KMO: variants seen among roughly 807,000 people sequenced by gnomAD.
The protein encoded by KMO is kynurenine 3-monooxygenase.
KMO carries 24 observed loss-of-function variants against 57.8 expected under a neutral mutation model. The observed-to-expected ratio is 0.42, with a 90% CI of 0.30 to 0.58. The LOEUF is 0.58. KMO is among the 20% of genes least tolerant of loss of function. The pLI is 0.22. For missense variants in KMO, 483 were observed against 588.2 expected (o/e 0.82, Z 1.85); for synonymous variants, 210 against 193.6 (o/e 1.08, Z -0.70).
In KMO at chr1:241,560,342, G is replaced by A. The variant is rs78302715; in HGVS notation, c.362-323G>A. Among the ~76,000 whole-genome samples the A allele has an allele frequency of 6.9e-3, 1,045 of 152,274 alleles. 15 individuals carry two copies. The highest frequency in any genetic ancestry group is 0.024 in the African/African-American group (980 of 41,548). On this transcript the variant is annotated intron_variant, in intron 5 of 14. Coordinates refer to ENST00000366559, the MANE Select transcript of KMO (RefSeq NM_003679.5). ...CACAACAAAGCCTCGGATTAGAGGC[G>A]ACTTCTGAAATATGTGATGCTTGCT... is the stretch of plus-strand genomic sequence containing the variant.
In KMO at chr1:241,594,363, T is replaced by C; in HGVS notation, c.*2210T>C. 4 of 1,539,094 alleles carry C rather than the reference T, an allele frequency of 2.6e-6. No homozygotes were observed. Among genetic ancestry groups the C allele is most frequent in the Admixed American group, 1.8e-5 (1 of 56,806 alleles). On this transcript the variant is annotated 3_prime_UTR_variant, in exon 15 of 15. Coordinates refer to ENST00000366559, the MANE Select transcript of KMO (RefSeq NM_003679.5). ...ATAGAACGGGTATTCCAGACACTTC[T>C]TATGATGAAAGTCCAAAAGTGGCAT...
At chr1:241,588,103 C>A (rs2065031) in intron 11 of KMO, among the ~76,000 whole-genome samples, 1 of 152,112 alleles carries the variant, frequency 6.6e-6, no homozygotes, top group Non-Finnish European at 1.5e-5. Context: ...CTTCATCTTT[C>A]TAAAGCCTCC....
At chr1:241,532,545 C>G (rs3765802) in intron 1 of KMO, 47 bp downstream of exon 1, 51,826 of 1,328,680 alleles carry the variant, frequency 0.039, 1,913 homozygotes, top group East Asian at 0.15. Context: ...ATTATATTAA[C>G]TATTATTACT....
chr1:241,586,754 C>G lies in KMO; in HGVS notation c.1015+18C>G, dbSNP rs550578672. Reference sequence around the variant, plus strand: ...CGACCTTAGTAAGTAAGGTCAATTTCTCAACTGGACATGTACTAGCTCTTC... The same window carrying G: ...CGACCTTAGTAAGTAAGGTCAATTTGTCAACTGGACATGTACTAGCTCTTC... On this transcript the variant is annotated intron_variant, in intron 11 of 14. Transcript: ENST00000366559. The G allele has an allele frequency of 6.4e-7, 1 of 1,567,348 alleles. No homozygotes were observed. Among genetic ancestry groups the G allele is most frequent in the South Asian group, 1.2e-5 (1 of 85,906 alleles).
intron 1 of KMO, among the ~76,000 whole-genome samples, chr1:241,538,746 T>C (rs1207995107): frequency 6.6e-6 from 1 of 152,196 alleles, no homozygotes; most frequent in Non-Finnish European, 1.5e-5. Flanking sequence ...TGGCTGTGCC[T>C]CATAAATCCC....
At chr1:241,591,850 GAACA>G in intron 14 of KMO, 99 bp from the exon 15 acceptor site, 1 of 860,662 alleles carries the variant, frequency 1.2e-6, no homozygotes, top group African/African-American at 1.7e-5. Flanking sequence ...TCAGGTTAAA[GAACA>G]AAGAGGACAT....
intron 11 of KMO, 127 bp downstream of exon 11, chr1:241,586,863 T>G: frequency 1.5e-6 from 1 of 666,154 alleles, no homozygotes; most frequent in Admixed American, 2.8e-5. Flanking sequence ...GGATTACATA[T>G]TTTTCTACTA....
chr1:241,560,594 T>C (rs1661799567), intron 5 of KMO, 71 bp from the exon 6 acceptor site: 2 of 1,073,552 alleles, frequency 1.9e-6, no homozygotes, highest in Admixed American at 3.5e-5. Context: ...AAACAATTAC[T>C]ATTTCAATTT....
At chr1:241,561,535 A>C (rs1409529698) in intron 6 of KMO, among the ~76,000 whole-genome samples, 1 of 152,144 alleles carries the variant, frequency 6.6e-6, no homozygotes, top group African/African-American at 2.4e-5. Context: ...TCATTCCTGC[A>C]CATGTAATAT....
At chr1:241,533,433 T>C (rs1660645899) in intron 1 of KMO, among the ~76,000 whole-genome samples, 1 of 152,234 alleles carries the variant, frequency 6.6e-6, no homozygotes. Context: ...TATGCTGTCT[T>C]TTGTTCTGCC....
chr1:241,550,814 C>G (rs1284966414), intron 3 of KMO, 141 bp from the exon 4 acceptor site: 1 of 514,156 alleles, frequency 1.9e-6, no homozygotes, highest in African/African-American at 2.0e-5. Flanking sequence ...GAGTTTCTAC[C>G]ACGTTGGGCT....
Position 241,594,507 on chromosome 1 carries a change from C to G in KMO, c.*2354C>G, listed in dbSNP as rs1163738768. The stretch of plus-strand genomic sequence containing the variant: ...GTCGTCAACTGACAGTGATTCATCA[C>G]TGGTGATGATAAAAATGATGGAAGA... On this transcript the variant is annotated 3_prime_UTR_variant, in exon 15 of 15. Coordinates refer to ENST00000366559, the MANE Select transcript of KMO (RefSeq NM_003679.5). 3 of 1,614,002 alleles carry G rather than the reference C, an allele frequency of 1.9e-6. No individual in the cohort carries two copies. In the African/African-American group the frequency reaches 4.0e-5, roughly 22 times the overall value.
intron 5 of KMO, among the ~76,000 whole-genome samples, chr1:241,559,312 A>T (rs1331751141): frequency 6.6e-6 from 1 of 152,204 alleles, no homozygotes; most frequent in East Asian, 1.9e-4. Context: ...GCATAGCCCA[A>T]GACAGAGTAT....
Position 241,549,256 on chromosome 1 carries a change from A to ATCG in KMO, c.124+358_124+359insTCG, listed in dbSNP as rs1558414900. Among the ~76,000 whole-genome samples the ATCG allele has an allele frequency of 2.6e-3, 297 of 114,906 alleles. 11 individuals are homozygous for ATCG. The highest frequency in any genetic ancestry group is 8.9e-3 in the African/African-American group (279 of 31,262). 75.4% of individuals were successfully genotyped at this position (114,906 alleles called of 152,430 possible). A position where few individuals can be genotyped will look rare whatever the true frequency, so the allele number is the denominator to read the frequency against. ...AAGAAAGAAAGAAAGAAAGAAAGAAAGAAAGAAAGAAAGGAAGGAAGAAAG... is the reference window on the plus strand; with the variant it reads ...AAGAAAGAAAGAAAGAAAGAAAGAAATCGGAAAGAAAGAAAGGAAGGAAGAAAG... On this transcript the variant is annotated intron_variant, in intron 2 of 14. Transcript: ENST00000366559.
rs1020960015 is a variant in KMO, at chr1:241,555,861, G to A, written c.361+201G>A. On this transcript the variant is annotated intron_variant, in intron 5 of 14. Transcript: ENST00000366559. ...CCAGCACTCTGAAAGGCTGAGGCCA[G>A]GATCGCTTGAGTCCAGGAATTTGAG... is the stretch of plus-strand genomic sequence containing the variant. 8.4e-5 allele frequency: 34 copies of A among 404,116 alleles called. 2 individuals are homozygous for A. Among genetic ancestry groups the A allele is most frequent in the South Asian group, 8.1e-4 (13 of 15,960 alleles). The allele number at this position is 404,116 out of a possible 1,614,324, so 25.0% of individuals were successfully genotyped here.
intron 11 of KMO, among the ~76,000 whole-genome samples, chr1:241,588,329 C>CTTTTTTTTTATTTTTTTTTTT (rs1663097341): frequency 1.0e-5 from 1 of 98,392 alleles, no homozygotes; most frequent in Non-Finnish European, 1.9e-5. Flanking sequence ...TCTTTTTTTT[C>CTTTTTTTTTATTTTTTTTTTT]TTTTTTTTTT....
intron 6 of KMO, 50 bp downstream of exon 6, chr1:241,560,802 G>C: frequency 8.5e-7 from 1 of 1,172,516 alleles, no homozygotes; most frequent in Non-Finnish European, 1.3e-6. Context: ...TGGGAGTGGA[G>C]AATTGTATCT....
At chr1:241,549,251 A>AGTC (rs1661289405) in intron 2 of KMO, among the ~76,000 whole-genome samples, 1 of 19,566 alleles carries the variant, frequency 5.1e-5, no homozygotes, top group African/African-American at 1.2e-4. Flanking sequence ...GAAAGAAAGA[A>AGTC]AGAAAGAAAG....
chr1:241,543,265 A>G (rs921205405), intron 1 of KMO, among the ~76,000 whole-genome samples: 4 of 152,134 alleles, frequency 2.6e-5, no homozygotes, highest in African/African-American at 9.7e-5. Context: ...TTGCCTCTTT[A>G]TATATAGTTT....
Sources: gnomAD v4.1 joint callset for allele counts (sites outside exome capture counted in the v4.1 genomes callset) on GRCh38, gnomAD v4.1.1 for gene constraint, MANE v1.5 for transcripts, NCBI Gene and HGNC (gene_info 2026-07-23, HGNC 2026-07-21) for gene names.